GMDS: variants seen among roughly 807,000 people sequenced by gnomAD.
The protein encoded by GMDS is GDP-mannose 4,6-dehydratase, also known as GDP-mannose 4,6 dehydratase.
A neutral mutation model predicts 49.9 loss-of-function variants in GMDS; 20 were observed. The observed-to-expected ratio is 0.40, with a 90% CI of 0.28 to 0.58. The LOEUF is 0.58. Among genes scored for constraint, GMDS ranks in the 20% least tolerant of loss-of-function variants. The probability of loss-of-function intolerance (pLI) is 0.42; values close to 1 mark genes in which losing one functional copy is unlikely to be tolerated. For synonymous variants in GMDS, 177 were observed against 178.6 expected (o/e 0.99, Z 0.07); for missense variants, 362 against 481.4 (o/e 0.75, Z 2.32).
intron 6 of GMDS, among the ~76,000 whole-genome samples, chr6:1,938,644 C>T (rs1301612183): frequency 5.3e-5 from 8 of 151,946 alleles, no homozygotes; most frequent in South Asian, 2.1e-4. Flanking sequence ...AATGTGTCTA[C>T]GCATGGCTTT....
chr6:2,200,765 G>C (rs906023060), intron 1 of GMDS, among the ~76,000 whole-genome samples: 5 of 148,642 alleles, frequency 3.4e-5, no homozygotes, highest in African/African-American at 1.3e-4. Context: ...TAGGCAGTGA[G>C]GGCAGCATGT....
At chr6:1,974,056 T>C (rs959972709) in intron 4 of GMDS, among the ~76,000 whole-genome samples, 1 of 152,110 alleles carries the variant, frequency 6.6e-6, no homozygotes, top group Non-Finnish European at 1.5e-5. Flanking sequence ...ATTATGTGGA[T>C]AATAAGCTGT....
chr6:1,933,411 A>G (rs1306516779), intron 6 of GMDS, among the ~76,000 whole-genome samples: 2 of 152,246 alleles, frequency 1.3e-5, no homozygotes, highest in African/African-American at 4.8e-5. Context: ...TTGCTGGGTC[A>G]TATGAGAACT....
rs75744059 is a variant in GMDS at position 1,635,104 on chromosome 6, G to A, written c.988-10564C>T. On this transcript the variant is annotated intron_variant, in intron 9 of 10. Coordinates refer to ENST00000380815, the MANE Select transcript of GMDS (RefSeq NM_001500.4). This position sits in a 1 kb window ranked among gnomAD's most constrained non-coding sequence, Gnocchi z 4.7. Reference sequence around the variant, plus strand: ...CTCCTTTTTCACGATTTCAAGATTAGAGAACAGGGACTCTTCCAAAAGATT... The same window carrying A: ...CTCCTTTTTCACGATTTCAAGATTAAAGAACAGGGACTCTTCCAAAAGATT... Among the ~76,000 whole-genome samples, 38 of 152,314 alleles carry A rather than the reference G, an allele frequency of 2.5e-4. No homozygotes were observed. The highest frequency in any genetic ancestry group is 8.9e-4 in the African/African-American group (37 of 41,554).
At chr6:1,848,010 C>A (rs777334286) in intron 7 of GMDS, among the ~76,000 whole-genome samples, 1 of 152,112 alleles carries the variant, frequency 6.6e-6, no homozygotes, top group Non-Finnish European at 1.5e-5. Context: ...GCTGGAGAAG[C>A]CTCTCCAAGG....
chr6:1,714,876 G>T (rs1190390222), intron 9 of GMDS, among the ~76,000 whole-genome samples: 2 of 152,266 alleles, frequency 1.3e-5, no homozygotes, highest in Non-Finnish European at 2.9e-5. Context: ...TCATGCCCTA[G>T]TGGTCTAAGG....
At chr6:2,200,291 C>T (rs575545145) in intron 1 of GMDS, among the ~76,000 whole-genome samples, 1 of 152,212 alleles carries the variant, frequency 6.6e-6, no homozygotes, top group South Asian at 2.1e-4. Flanking sequence ...TAGAAGATGA[C>T]ATGTTAGCAG....
intron 9 of GMDS, among the ~76,000 whole-genome samples, chr6:1,665,987 G>A (rs749372808): frequency 5.9e-5 from 9 of 152,114 alleles, no homozygotes; most frequent in East Asian, 1.9e-4. Flanking sequence ...TAATTTCAGC[G>A]ACTTGGAGGA....
intron 9 of GMDS, among the ~76,000 whole-genome samples, chr6:1,670,292 C>T (rs903763536): frequency 1.3e-5 from 2 of 151,788 alleles, no homozygotes; most frequent in African/African-American, 4.8e-5. Context: ...GTGTTGCATA[C>T]GACTTTCAGA....
At chr6:1,647,933 G>T (rs1014784534) in intron 9 of GMDS, among the ~76,000 whole-genome samples, 4 of 152,190 alleles carry the variant, frequency 2.6e-5, no homozygotes, top group Non-Finnish European at 5.9e-5. Flanking sequence ...TTGAACCACA[G>T]CTGTTCTCAT....
intron 7 of GMDS, among the ~76,000 whole-genome samples, chr6:1,917,112 GGAT>G (rs1201233283): frequency 3.3e-5 from 5 of 152,128 alleles, no homozygotes; most frequent in Non-Finnish European, 7.4e-5. Flanking sequence ...TGGTTTCACA[GGAT>G]GATTAGAGGT....
At chr6:2,115,652 C>T (rs191063090) in intron 4 of GMDS, 119 bp downstream of exon 4, 329 of 669,996 alleles carry the variant, frequency 4.9e-4, no homozygotes, top group Non-Finnish European at 2.3e-4. Context: ...CTAACACTGA[C>T]AATTCAACTT....
At chr6:1,791,577 G>A (rs1241743093) in intron 7 of GMDS, among the ~76,000 whole-genome samples, 1 of 152,150 alleles carries the variant, frequency 6.6e-6, no homozygotes, top group African/African-American at 2.4e-5. Flanking sequence ...TTCAACATAT[G>A]AATTTTGGGG....
intron 1 of GMDS, among the ~76,000 whole-genome samples, chr6:2,215,592 A>G (rs12216224): frequency 0.13 from 19,380 of 151,738 alleles, 1,873 homozygotes; most frequent in East Asian, 0.42. Context: ...CAGCCAAACC[A>G]TATCAGTGGG....
chr6:2,021,631 G>A (rs1768282022), intron 4 of GMDS, among the ~76,000 whole-genome samples: 1 of 152,170 alleles, frequency 6.6e-6, no homozygotes, highest in African/African-American at 2.4e-5. Context: ...GTTAACCTCA[G>A]TTCCTAAAAC....
chr6:1,841,021 G>A (rs1757131950), intron 7 of GMDS, among the ~76,000 whole-genome samples: 1 of 152,146 alleles, frequency 6.6e-6, no homozygotes, highest in African/African-American at 2.4e-5. Context: ...TTTCTGCCAG[G>A]TGGACACACT....
intron 7 of GMDS, among the ~76,000 whole-genome samples, chr6:1,779,321 C>T (rs1469373020): frequency 6.6e-6 from 1 of 152,208 alleles, no homozygotes; most frequent in African/African-American, 2.4e-5. Context: ...AAGTATCCTG[C>T]TTCTGGAGCT....
intron 1 of GMDS, among the ~76,000 whole-genome samples, chr6:2,173,288 G>A (rs1379844768): frequency 7.2e-5 from 11 of 152,186 alleles, no homozygotes; most frequent in South Asian, 6.2e-4. Context: ...GAGCAGGAGG[G>A]TAGAAATGTT....
intron 1 of GMDS, among the ~76,000 whole-genome samples, chr6:2,159,886 A>C (rs1053671099): frequency 1.3e-5 from 2 of 151,940 alleles, no homozygotes; most frequent in Admixed American, 6.6e-5. Context: ...AATCTCCAAA[A>C]CATCTTCCAA....
Sources: gnomAD v4.1 joint callset for allele counts (sites outside exome capture counted in the v4.1 genomes callset) on GRCh38, gnomAD v4.1.1 for gene constraint, Gnocchi (gnomAD v3.1) non-coding constraint, MANE v1.5 for transcripts, NCBI Gene and HGNC (gene_info 2026-07-23, HGNC 2026-07-21) for gene names.